PRLR: variants seen among roughly 807,000 people sequenced by gnomAD.
PRLR encodes the protein prolactin receptor, also known as hPRL receptor.
A neutral mutation model predicts 40.2 loss-of-function variants in PRLR; 13 were observed. The observed-to-expected ratio is 0.32, with a 90% CI of 0.21 to 0.51. PRLR has a LOEUF of 0.51. PRLR is among the 20% of genes least tolerant of loss of function. The probability of loss-of-function intolerance (pLI) is 0.97; values close to 1 mark genes in which losing one functional copy is unlikely to be tolerated. For missense variants in PRLR, 656 were observed against 747.3 expected (o/e 0.88, Z 1.42); for synonymous variants, 269 against 278.7 (o/e 0.97, Z 0.35).
chr5:35,141,012 C>T (rs1774008430), intron 1 of PRLR, among the ~76,000 whole-genome samples: 3 of 152,138 alleles, frequency 2.0e-5, no homozygotes, highest in Non-Finnish European at 2.9e-5. Context: ...CTAAGAACTT[C>T]TGGGAAAGCT....
intron 2 of PRLR, among the ~76,000 whole-genome samples, chr5:35,102,096 G>A (rs56059407): frequency 0.055 from 8,343 of 152,068 alleles, 546 homozygotes; most frequent in East Asian, 0.18. Flanking sequence ...CCAAAGTGCC[G>A]TGATTACAGA....
At chr5:35,127,343 C>A (rs1177906771) in intron 1 of PRLR, among the ~76,000 whole-genome samples, 4 of 152,186 alleles carry the variant, frequency 2.6e-5, no homozygotes, top group African/African-American at 9.6e-5. Context: ...GTCTTAAATA[C>A]AGACCCACTC....
intron 1 of PRLR, among the ~76,000 whole-genome samples, chr5:35,194,538 A>G (rs2111577380): frequency 6.6e-6 from 1 of 152,292 alleles, no homozygotes; most frequent in South Asian, 2.1e-4. Context: ...AGTCTGCCCA[A>G]ATGGATAAAC....
chr5:35,174,348 C>T (rs1775086066), intron 1 of PRLR, among the ~76,000 whole-genome samples: 1 of 152,164 alleles, frequency 6.6e-6, no homozygotes, highest in Admixed American at 6.5e-5. Context: ...CCTCGGCCTC[C>T]CAAAGTGCTA....
chr5:35,065,548 C>T lies in PRLR; in HGVS notation c.1410G>A (p.Glu470=), dbSNP rs62355478. 5.4e-3 allele frequency: 8,733 copies of T among 1,614,136 alleles called. 39 individuals are homozygous for T. Among genetic ancestry groups the T allele is most frequent in the Non-Finnish European group, 6.5e-3 (7,716 of 1,180,034 alleles). ...CCTCCCTCTGCTGGGTTGCCTTTCC[C>T]TCTTCTCTAGACTTAATGGTTTGAG... The part of the protein sequence containing the change: ...KSSQTIKSRE[E]GKATQQREVE... Residue 470 remains glutamate, a synonymous_variant, in exon 10 of 10, where the codon GAG becomes GAA. Coordinates refer to ENST00000618457, the MANE Select transcript of PRLR (RefSeq NM_000949.7).
At chr5:35,133,301 A>G (rs529115624) in intron 1 of PRLR, among the ~76,000 whole-genome samples, 13 of 151,354 alleles carry the variant, frequency 8.6e-5, no homozygotes, top group African/African-American at 2.2e-4. Context: ...GCCAATTTCC[A>G]TAATAAATCT....
At chr5:35,086,379 C>G (rs1770850627) in intron 3 of PRLR, 39 bp from the exon 4 acceptor site, 1 of 1,606,528 alleles carries the variant, frequency 6.2e-7, no homozygotes, top group African/African-American at 1.3e-5. Context: ...ATATTGAGGT[C>G]CATTTAACCA....
chr5:35,101,223 C>T (rs1771857907), intron 2 of PRLR, among the ~76,000 whole-genome samples: 3 of 152,188 alleles, frequency 2.0e-5, no homozygotes, highest in African/African-American at 7.2e-5. Flanking sequence ...TCAACAACAC[C>T]TGTTGGGTGA....
At chr5:35,175,485 G>A (rs1775122154) in intron 1 of PRLR, among the ~76,000 whole-genome samples, 1 of 152,200 alleles carries the variant, frequency 6.6e-6, no homozygotes, top group Admixed American at 6.5e-5. Flanking sequence ...ACAATGATGG[G>A]TAGACAGATG....
At chr5:35,103,565 T>C (rs1445654674) in intron 2 of PRLR, among the ~76,000 whole-genome samples, 5 of 152,202 alleles carry the variant, frequency 3.3e-5, no homozygotes, top group South Asian at 2.1e-4. Flanking sequence ...TCTGAAATCA[T>C]TAATGTTTAA....
At chr5:35,080,653 A>AACT (rs1336484433) in intron 5 of PRLR, among the ~76,000 whole-genome samples, 6 of 152,168 alleles carry the variant, frequency 3.9e-5, no homozygotes, top group Non-Finnish European at 8.8e-5. Context: ...AAGGATCTAG[A>AACT]ACTAGAAATA....
At chr5:35,172,515 C>G (rs1032242575) in intron 1 of PRLR, among the ~76,000 whole-genome samples, 1 of 152,140 alleles carries the variant, frequency 6.6e-6, no homozygotes, top group African/African-American at 2.4e-5. Flanking sequence ...GGTGACTGTC[C>G]CACCCTCTGA....
chr5:35,190,072 A>C (rs1041843092), intron 1 of PRLR, among the ~76,000 whole-genome samples: 1 of 152,142 alleles, frequency 6.6e-6, no homozygotes, highest in African/African-American at 2.4e-5. Context: ...AAGGGAGTCC[A>C]TGCTTCTGAG....
chr5:35,055,073 A>G (rs1040533351), downstream of PRLR, among the ~76,000 whole-genome samples: 2 of 152,218 alleles, frequency 1.3e-5, no homozygotes, highest in African/African-American at 4.8e-5. Context: ...ATATATGTTC[A>G]AGTATTTGTG....
intron 1 of PRLR, among the ~76,000 whole-genome samples, chr5:35,189,420 A>G (rs1313655299): frequency 2.6e-5 from 4 of 152,106 alleles, no homozygotes; most frequent in Non-Finnish European, 4.4e-5. Context: ...ATCCTTACTA[A>G]AAATACAAAA....
downstream of PRLR, among the ~76,000 whole-genome samples, chr5:35,052,526 A>T (rs561406149): frequency 6.6e-6 from 1 of 152,158 alleles, no homozygotes; most frequent in African/African-American, 2.4e-5. Flanking sequence ...CTGGTCCCTC[A>T]TTCTCTCCAG....
chr5:35,153,980 C>A (rs891660169), intron 1 of PRLR, among the ~76,000 whole-genome samples: 4 of 152,144 alleles, frequency 2.6e-5, no homozygotes, highest in African/African-American at 4.8e-5. Context: ...GATTTCAAAA[C>A]CAATCGCACA....
At chr5:35,086,677 A>G (rs1770874571) in intron 3 of PRLR, among the ~76,000 whole-genome samples, 1 of 152,154 alleles carries the variant, frequency 6.6e-6, no homozygotes, top group African/African-American at 2.4e-5. Flanking sequence ...AGATAGACAC[A>G]TATTGGTTGA....
chr5:35,153,723 C>G (rs1774404481), intron 1 of PRLR, among the ~76,000 whole-genome samples: 1 of 150,428 alleles, frequency 6.6e-6, no homozygotes, highest in Non-Finnish European at 1.5e-5. Flanking sequence ...ATTGTACACA[C>G]ACACACACAC....
Sources: allele counts gnomAD v4.1 joint callset (sites outside exome capture counted in the v4.1 genomes callset), GRCh38; gene constraint gnomAD v4.1.1; transcripts MANE v1.5; gene names NCBI Gene and HGNC (gene_info 2026-07-23, HGNC 2026-07-21).